The following ANKRD30B variants were observed in gnomAD, a reference collection of about 807,000 sequenced individuals.
ANKRD30B encodes the protein ankyrin repeat domain-containing protein 30B.
ANKRD30B carries 144 observed loss-of-function variants against 202.2 expected under a neutral mutation model. The ratio of observed to expected loss-of-function variants is 0.71; its 90% CI spans 0.62 to 0.82. The LOEUF (loss-of-function observed/expected upper bound fraction) is 0.82. ANKRD30B is among the 40% of genes least tolerant of loss of function. The pLI is 0.00. For synonymous variants in ANKRD30B, 508 were observed against 561.3 expected (o/e 0.91, Z 1.34); for missense variants, 1,487 against 1,669.1 (o/e 0.89, Z 1.90).
chr18:14,751,857 A>G, intron 1 of ANKRD30B, among the ~76,000 whole-genome samples: 1 of 108,004 alleles, frequency 9.3e-6, no homozygotes, highest in East Asian at 3.9e-4. Context: ...CCTGTTGTAT[A>G]TACCGTATTC....
intron 6 of ANKRD30B, among the ~76,000 whole-genome samples, chr18:14,762,069 A>G (rs1915345585): frequency 6.6e-6 from 1 of 152,136 alleles, no homozygotes; most frequent in African/African-American, 2.4e-5. Context: ...AGAAACTGTT[A>G]TAAGGAGGAA....
At chr18:14,929,797 G>A in the ANKRD30B span, among the ~76,000 whole-genome samples, 1 of 152,152 alleles carries the variant, frequency 6.6e-6, no homozygotes, top group Non-Finnish European at 1.5e-5. Flanking sequence ...ATGCATGTGT[G>A]TGTGTATGTG....
chr18:14,861,765 C>T, the ANKRD30B span, among the ~76,000 whole-genome samples: 1 of 152,112 alleles, frequency 6.6e-6, no homozygotes. Flanking sequence ...TGGACTCAAA[C>T]TGGGCTCTTG....
chr18:14,867,073 G>A, the ANKRD30B span, among the ~76,000 whole-genome samples: 147 of 145,880 alleles, frequency 1.0e-3, no homozygotes, highest in Middle Eastern at 3.6e-3. Context: ...TACCCCGGGC[G>A]TTCACTGCCT....
Position 14,796,379 on chromosome 18 carries a change from G to C in ANKRD30B, c.1891G>C (p.Ala631Pro). The C allele has an allele frequency of 6.4e-7, 1 of 1,564,566 alleles. No individual in the cohort carries two copies. Among genetic ancestry groups the C allele is most frequent in the South Asian group, 1.2e-5 (1 of 86,302 alleles). ...AAGGAAAGTTTCTCTTCCAAATAAA[G>C]CCTTAGAATTAAAGGACAGAGAAAC... ...CGRKVSLPNK[A>P]LELKDRETFK... is the part of the protein sequence containing the mutation. Residue 631 changes from alanine (A) to proline (P), a missense_variant, in exon 18 of 44, where the codon GCC becomes CCC. Transcript: ENST00000690538.
intron 36 of ANKRD30B, among the ~76,000 whole-genome samples, chr18:14,839,497 G>C (rs529890277): frequency 1.2e-4 from 19 of 152,262 alleles, no homozygotes; most frequent in African/African-American, 4.3e-4. Flanking sequence ...CAATGTCATC[G>C]TCATCCTCAT....
At chr18:14,882,624 T>A in the ANKRD30B span, among the ~76,000 whole-genome samples, 1 of 152,152 alleles carries the variant, frequency 6.6e-6, no homozygotes, top group Non-Finnish European at 1.5e-5. Flanking sequence ...TAAGTCCATT[T>A]GTTCCAAAGT....
chr18:14,755,982 G>A lies in ANKRD30B; in HGVS notation c.617+977G>A, dbSNP rs953179363. The stretch of plus-strand genomic sequence containing the variant: ...TAGATCCCTGAGGAATCGCCACACC[G>A]ACTTCCACAATGGTTGAACTAGTTT... On this transcript the variant is annotated intron_variant, in intron 4 of 43. Transcript: ENST00000690538. Among the ~76,000 whole-genome samples, 1,016 of 152,260 alleles carry A rather than the reference G, an allele frequency of 6.7e-3. 11 individuals carry two copies. Among genetic ancestry groups the A allele is most frequent in the African/African-American group, 0.024 (986 of 41,534 alleles).
At chr18:14,768,382 T>G (rs774461765) in intron 7 of ANKRD30B, among the ~76,000 whole-genome samples, 1 of 152,130 alleles carries the variant, frequency 6.6e-6, no homozygotes, top group Non-Finnish European at 1.5e-5. Flanking sequence ...CCCTTAGTAT[T>G]TGGGGCACTC....
intron 30 of ANKRD30B, among the ~76,000 whole-genome samples, chr18:14,820,407 G>T (rs1970354596): frequency 3.9e-5 from 6 of 152,180 alleles, no homozygotes; most frequent in Admixed American, 3.9e-4. Flanking sequence ...ATGTTGAACA[G>T]GAGTGGTGAG....
intron 9 of ANKRD30B, among the ~76,000 whole-genome samples, chr18:14,774,861 C>CTCA (rs1400489811): frequency 6.6e-6 from 1 of 151,402 alleles, no homozygotes; most frequent in Non-Finnish European, 1.5e-5. Flanking sequence ...GGTGTGGTGG[C>CTCA]TCATGCCTGT....
intron 15 of ANKRD30B, 87 bp downstream of exon 15, chr18:14,787,187 T>A (rs1968145952): frequency 8.7e-7 from 1 of 1,151,460 alleles, no homozygotes; most frequent in Non-Finnish European, 1.2e-6. Flanking sequence ...TTTTCTCACC[T>A]CTGCATATGT....
intron 20 of ANKRD30B, among the ~76,000 whole-genome samples, chr18:14,798,226 G>T (rs962362011): frequency 1.5e-5 from 2 of 130,420 alleles, no homozygotes; most frequent in Non-Finnish European, 3.2e-5. Flanking sequence ...GGATATACCC[G>T]CATTTGTTAT....
chr18:14,789,045 C>T (rs1312134052), intron 15 of ANKRD30B, among the ~76,000 whole-genome samples: 2 of 151,608 alleles, frequency 1.3e-5, no homozygotes. Context: ...TCCACATCCT[C>T]TCCAGCACCT....
intron 30 of ANKRD30B, among the ~76,000 whole-genome samples, chr18:14,820,036 A>C (rs28763736): frequency 0.018 from 2,798 of 152,022 alleles, 90 homozygotes; most frequent in African/African-American, 0.064. Flanking sequence ...CTTTTATTTC[A>C]TTGAGCAGTG....
intron 15 of ANKRD30B, among the ~76,000 whole-genome samples, chr18:14,788,748 T>A (rs1968262486): frequency 6.6e-6 from 1 of 151,942 alleles, no homozygotes; most frequent in African/African-American, 2.4e-5. Context: ...GGCTGCATAG[T>A]AATCCATGGT....
At chr18:14,894,468 G>A in the ANKRD30B span, among the ~76,000 whole-genome samples, 40 of 151,600 alleles carry the variant, frequency 2.6e-4, no homozygotes, top group African/African-American at 7.8e-4. Context: ...TCCTGAAACT[G>A]TTAAAGCTTT....
chr18:14,789,901 A>G (rs1224224319), intron 15 of ANKRD30B, among the ~76,000 whole-genome samples: 1 of 152,162 alleles, frequency 6.6e-6, no homozygotes, highest in Non-Finnish European at 1.5e-5. Context: ...TATGAACTTT[A>G]AAGTAGTTTT....
intron 16 of ANKRD30B, among the ~76,000 whole-genome samples, chr18:14,795,449 A>G (rs969765854): frequency 7.9e-5 from 12 of 152,166 alleles, no homozygotes; most frequent in Non-Finnish European, 1.6e-4. Context: ...CGCCCTCTTC[A>G]GGCGTCCAAG....
Sources: gnomAD v4.1 joint callset for allele counts (sites outside exome capture counted in the v4.1 genomes callset) on GRCh38, gnomAD v4.1.1 for gene constraint, MANE v1.5 for transcripts, NCBI Gene and HGNC (gene_info 2026-07-23, HGNC 2026-07-21) for gene names.